Variants in MAST4 observed in about 807,000 individuals in gnomAD.
MAST4 encodes microtubule associated serine/threonine kinase family member 4.
Under a neutral mutation model 162.7 loss-of-function variants are expected in MAST4, and 89 were observed. The observed-to-expected ratio is 0.55, with a 90% CI of 0.46 to 0.65. The LOEUF is 0.65. MAST4 is among the 30% of genes least tolerant of loss of function. The pLI, the probability that MAST4 is intolerant of heterozygous loss-of-function variation, is 0.00. For missense variants in MAST4, 3,153 were observed against 3,374.0 expected (o/e 0.93, Z 1.62); for synonymous variants, 1,479 against 1,361.1 (o/e 1.09, Z -1.91).
chr5:67,144,768 C>T lies in MAST4; in HGVS notation c.2830C>T (p.Leu944=). The change falls in exon 22 of 29, where the codon CTG becomes TTG. Residue 944 remains leucine, a synonymous_variant. Transcript: ENST00000403625. ...KSTTLPSTET[L]SWSSEYSEMQ... ...CACCACCTTGCCATCCACAGAAACA[C>T]TGAGCTGGAGTTCAGAATATTCTGA... 6.2e-7 allele frequency: 1 copy of T among 1,612,658 alleles called. No individual in the cohort carries two copies. The highest frequency in any genetic ancestry group is 8.5e-7 in the Non-Finnish European group (1 of 1,179,128).
At chr5:66,703,089 T>C (rs1056534411) in intron 1 of MAST4, among the ~76,000 whole-genome samples, 1 of 152,158 alleles carries the variant, frequency 6.6e-6, no homozygotes, top group Non-Finnish European at 1.5e-5. Flanking sequence ...CCTGACGAGG[T>C]GGCTGGCGTA....
chr5:67,056,070 C>T (rs1348616949), intron 5 of MAST4, among the ~76,000 whole-genome samples: 1 of 149,420 alleles, frequency 6.7e-6, no homozygotes, highest in African/African-American at 2.5e-5. Flanking sequence ...TATATATTCA[C>T]TGTATTATAT....
At chr5:67,023,897 T>C (rs1254066441) in intron 4 of MAST4, among the ~76,000 whole-genome samples, 1 of 152,076 alleles carries the variant, frequency 6.6e-6, no homozygotes, top group Non-Finnish European at 1.5e-5. Context: ...TATTATTTTT[T>C]AGGATAGAAA....
At chr5:66,944,961 G>A (rs570873560) in intron 4 of MAST4, among the ~76,000 whole-genome samples, 17 of 152,206 alleles carry the variant, frequency 1.1e-4, no homozygotes, top group African/African-American at 3.4e-4. Flanking sequence ...GCCTCATTTT[G>A]GGAGTCATAT....
chr5:66,723,463 A>G (rs1007093675), intron 1 of MAST4, among the ~76,000 whole-genome samples: 6 of 152,210 alleles, frequency 3.9e-5, no homozygotes, highest in Admixed American at 3.9e-4. Flanking sequence ...AGGGTTAGCT[A>G]TGGAACTGCT....
rs767541709 is a variant in MAST4 at position 66,788,767 on chromosome 5, G to T, written c.615G>T (p.Gln205His). Residue 205 changes from glutamine to histidine, a missense_variant, in exon 3 of 29, where the codon CAG becomes CAT. Around this residue, in one of 7 missense-constraint regions of MAST4, gnomAD observed 327 missense variants for 336.5 expected, o/e 0.97. Transcript: ENST00000403625. The part of the protein sequence containing the change: ...LVRMRSQALG[Q>H]SAPSLTASLK... The stretch of plus-strand genomic sequence containing the variant: ...GCATGCGCAGCCAGGCCCTGGGCCA[G>T]TCGGCGCCCTCGCTCACCGCCAGCC... 6.2e-7 allele frequency: 1 copy of T among 1,602,758 alleles called. No individual in the cohort carries two copies. Among genetic ancestry groups the T allele is most frequent in the Non-Finnish European group, 8.5e-7 (1 of 1,174,038 alleles).
intron 3 of MAST4, among the ~76,000 whole-genome samples, chr5:66,889,002 G>C (rs750628394): frequency 6.6e-6 from 1 of 152,188 alleles, no homozygotes; most frequent in African/African-American, 2.4e-5. Flanking sequence ...GATTTATAGT[G>C]ATTCTAAAAG....
At chr5:66,651,359 A>G (rs541970304) in intron 1 of MAST4, among the ~76,000 whole-genome samples, 1 of 151,960 alleles carries the variant, frequency 6.6e-6, no homozygotes, top group South Asian at 2.1e-4. Flanking sequence ...ATTTTTTTAT[A>G]CTTTTCCCCC....
intron 1 of MAST4, among the ~76,000 whole-genome samples, chr5:66,698,633 A>C (rs776803589): frequency 6.6e-6 from 1 of 152,130 alleles, no homozygotes; most frequent in Non-Finnish European, 1.5e-5. Context: ...TGGCTCCAGC[A>C]CTGATCTCTC....
intron 4 of MAST4, among the ~76,000 whole-genome samples, chr5:66,992,980 G>A (rs1012024772): frequency 6.6e-6 from 1 of 152,152 alleles, no homozygotes; most frequent in Non-Finnish European, 1.5e-5. Flanking sequence ...TTGGAAAAAG[G>A]TCACCCTGCT....
chr5:66,947,657 T>C (rs181539415), intron 4 of MAST4, among the ~76,000 whole-genome samples: 29 of 152,308 alleles, frequency 1.9e-4, no homozygotes, highest in Admixed American at 1.9e-3. Flanking sequence ...ATAATCCTCC[T>C]CCGACCTGCA....
intron 4 of MAST4, among the ~76,000 whole-genome samples, chr5:67,015,640 T>A (rs1301904222): frequency 1.3e-5 from 2 of 152,186 alleles, no homozygotes; most frequent in African/African-American, 4.8e-5. Flanking sequence ...AGGCTATATA[T>A]CTCCACTTTC....
At chr5:67,084,917 C>T (rs894491497) in intron 5 of MAST4, among the ~76,000 whole-genome samples, 8 of 152,158 alleles carry the variant, frequency 5.3e-5, no homozygotes, top group South Asian at 4.1e-4. Flanking sequence ...AAAATTGTAA[C>T]GGGATTCTTA....
chr5:67,024,193 A>C (rs1754332109), intron 4 of MAST4, among the ~76,000 whole-genome samples: 2 of 151,208 alleles, frequency 1.3e-5, no homozygotes, highest in African/African-American at 4.9e-5. Context: ...CACTTAGCAC[A>C]ATGTCCTCAA....
chr5:67,032,423 G>C (rs1430209658), intron 4 of MAST4, among the ~76,000 whole-genome samples: 4 of 152,072 alleles, frequency 2.6e-5, no homozygotes, highest in Admixed American at 2.6e-4. Flanking sequence ...TATTCAGCAA[G>C]GTTTAATTAA....
chr5:66,746,024 G>A (rs191821257), intron 1 of MAST4, among the ~76,000 whole-genome samples: 65 of 152,232 alleles, frequency 4.3e-4, no homozygotes, highest in African/African-American at 1.5e-3. Context: ...GTCTGCGTTC[G>A]TGCACCAGTC....
intron 4 of MAST4, among the ~76,000 whole-genome samples, chr5:67,011,001 A>T (rs1229599902): frequency 2.0e-5 from 3 of 152,068 alleles, no homozygotes. Context: ...CCTGAATCAT[A>T]TCCCCTTACT....
At chr5:67,102,238 C>A (rs956687334) in intron 8 of MAST4, among the ~76,000 whole-genome samples, 3 of 152,224 alleles carry the variant, frequency 2.0e-5, no homozygotes, top group Non-Finnish European at 4.4e-5. Context: ...ATACTACATG[C>A]AGAATATAAT....
At chr5:67,133,134 G>A (rs1769196449) in intron 16 of MAST4, among the ~76,000 whole-genome samples, 1 of 151,704 alleles carries the variant, frequency 6.6e-6, no homozygotes, top group African/African-American at 2.4e-5. Flanking sequence ...TGCCTCATTT[G>A]AATCACAAAT....
Sources: gnomAD v4.1 joint callset for allele counts (sites outside exome capture counted in the v4.1 genomes callset) on GRCh38, gnomAD v4.1.1 for gene constraint, gnomAD v4.1.1 regional missense constraint, MANE v1.5 for transcripts, NCBI Gene and HGNC (gene_info 2026-07-23, HGNC 2026-07-21) for gene names.